The following SULT1E1 variants were observed in gnomAD, a reference collection of about 807,000 sequenced individuals.
The protein encoded by SULT1E1 is sulfotransferase 1E1.
A neutral mutation model predicts 33.6 loss-of-function variants in SULT1E1; 36 were observed. That is an observed-to-expected ratio of 1.07 (90% CI 0.82 to 1.41). The LOEUF (loss-of-function observed/expected upper bound fraction) is 1.41, where lower values mean the gene tolerates loss of function less well. Ranked by LOEUF, SULT1E1 falls within the 40% of genes most tolerant of loss-of-function variation. The pLI, the probability that SULT1E1 is intolerant of heterozygous loss-of-function variation, is 0.00. For missense variants in SULT1E1, 371 were observed against 345.7 expected, an observed-to-expected ratio of 1.07 and a Z score of -0.58; for synonymous variants, 121 against 111.7, an observed-to-expected ratio of 1.08 and a Z score of -0.53.
chr4:69,824,829 C>G, the SULT1E1 span, among the ~76,000 whole-genome samples: 125 of 152,220 alleles, frequency 8.2e-4, no homozygotes, highest in Admixed American at 1.5e-3. Context: ...TGGGCAGGGC[C>G]AAATAAGGGA....
At chr4:69,830,409 G>T in the SULT1E1 span, among the ~76,000 whole-genome samples, 3 of 152,364 alleles carry the variant, frequency 2.0e-5, no homozygotes, top group East Asian at 3.9e-4. Context: ...TGCTGATTTT[G>T]AGTAGCCTCA....
chr4:69,857,416 G>A, intron 2 of SULT1E1, 84 bp downstream of exon 2: 1 of 1,466,896 alleles, frequency 6.8e-7, no homozygotes, highest in Middle Eastern at 1.9e-4. Flanking sequence ...GAGAATGAGT[G>A]TGTACGACAT....
At chr4:69,844,140 G>C (rs1198680603) in intron 7 of SULT1E1, 21 bp downstream of exon 7, 1 of 1,613,002 alleles carries the variant, frequency 6.2e-7, no homozygotes, top group Non-Finnish European at 8.5e-7. Context: ...CTAGTATCGA[G>C]GCAAACCACA....
Position 69,856,935 on chromosome 4 carries a change from C to CAAAAA in SULT1E1, c.145+560_145+564dup, listed in dbSNP as rs11464421. ...TGGGAGACAGAGCGAGACTCCGTCT[C>CAAAAA]AAAAAAAAAAAAAAAAAAAAAAAAA... On this transcript the variant is annotated intron_variant, in intron 2 of 7. Coordinates refer to ENST00000226444, the MANE Select transcript of SULT1E1 (RefSeq NM_005420.3). Among the ~76,000 whole-genome samples the CAAAAA allele has an allele frequency of 3.7e-3, 218 of 59,216 alleles. 25 individuals are homozygous for CAAAAA. Among genetic ancestry groups the CAAAAA allele is most frequent in the Non-Finnish European group, 4.9e-3 (179 of 36,500 alleles). 38.8% of individuals were successfully genotyped at this position (59,216 alleles called of 152,430 possible).
the SULT1E1 span, among the ~76,000 whole-genome samples, chr4:69,831,247 C>A: frequency 6.6e-6 from 1 of 152,146 alleles, no homozygotes; most frequent in African/African-American, 2.4e-5. Flanking sequence ...ACTCGTTTAT[C>A]TTGCCTTTCC....
At chr4:69,857,441 T>C (rs1429230730) in intron 2 of SULT1E1, 59 bp downstream of exon 2, 31 of 1,542,926 alleles carry the variant, frequency 2.0e-5, no homozygotes, top group Non-Finnish European at 2.5e-5. Flanking sequence ...ACCTTAATAT[T>C]TACCATTTAC....
intron 4 of SULT1E1, 26 bp downstream of exon 4, chr4:69,854,189 AGT>A (rs1721183878): frequency 6.5e-7 from 1 of 1,536,290 alleles, no homozygotes; most frequent in East Asian, 2.3e-5. Flanking sequence ...AATTGGATGA[AGT>A]TTTGAGAACA....
At chr4:69,843,104 G>A (rs1720911530) in intron 7 of SULT1E1, among the ~76,000 whole-genome samples, 5 of 152,028 alleles carry the variant, frequency 3.3e-5, no homozygotes, top group African/African-American at 4.8e-5. Flanking sequence ...CCAAAGTGCT[G>A]GGATTACAGG....
intron 1 of SULT1E1, among the ~76,000 whole-genome samples, chr4:69,858,159 T>A (rs554029290): frequency 6.6e-6 from 1 of 152,128 alleles, no homozygotes; most frequent in Non-Finnish European, 1.5e-5. Context: ...ATAAACCAAA[T>A]GCTTGGTGAA....
chr4:69,850,351 T>G lies in SULT1E1; in HGVS notation c.370-788A>C, dbSNP rs554519856. Among the ~76,000 whole-genome samples the G allele has an allele frequency of 2.0e-5, 3 of 152,182 alleles. No homozygotes were observed. In the South Asian group the frequency reaches 6.2e-4, roughly 32 times the overall value. Reference sequence around the variant, plus strand: ...TCCAGTATCCTCATGGGCTTCTACTTAGGCCCTCAGGCACCTAAGCAATGT... The same window carrying G: ...TCCAGTATCCTCATGGGCTTCTACTGAGGCCCTCAGGCACCTAAGCAATGT... On this transcript the variant is annotated intron_variant, in intron 4 of 7. Transcript: ENST00000226444.
chr4:69,826,973 A>C, the SULT1E1 span, among the ~76,000 whole-genome samples: 1 of 152,098 alleles, frequency 6.6e-6, no homozygotes, highest in African/African-American at 2.4e-5. Context: ...GGAAACAAGC[A>C]AAGAAATCTC....
At chr4:69,840,215 A>C (rs1720858345), downstream of SULT1E1, among the ~76,000 whole-genome samples, 1 of 152,190 alleles carries the variant, frequency 6.6e-6, no homozygotes, top group East Asian at 1.9e-4. Flanking sequence ...AACATTAAAA[A>C]AAAGCTTTGA....
chr4:69,835,420 G>T, the SULT1E1 span, among the ~76,000 whole-genome samples: 1 of 152,148 alleles, frequency 6.6e-6, no homozygotes, highest in Non-Finnish European at 1.5e-5. Flanking sequence ...TAAATAGAGA[G>T]AATAACTTGA....
chr4:69,846,305 C>CAAAAAA (rs34408656), intron 6 of SULT1E1, among the ~76,000 whole-genome samples: 16 of 106,978 alleles, frequency 1.5e-4, no homozygotes, highest in South Asian at 5.9e-4. Flanking sequence ...ACAAAACAAT[C>CAAAAAA]AAAAAAAAAA....
the SULT1E1 span, among the ~76,000 whole-genome samples, chr4:69,826,191 G>T: frequency 5.6e-4 from 85 of 152,270 alleles, 1 homozygote; most frequent in African/African-American, 2.0e-3. Context: ...CCTTCCCTCA[G>T]GGTATGGCCC....
At chr4:69,854,480 C>T (rs1330575019) in intron 3 of SULT1E1, among the ~76,000 whole-genome samples, 166 bp from the exon 4 acceptor site, 2 of 151,960 alleles carry the variant, frequency 1.3e-5, no homozygotes, top group Non-Finnish European at 2.9e-5. Flanking sequence ...CCCCATTTTC[C>T]ATGGTGTAAT....
At chr4:69,831,719 C>T in the SULT1E1 span, among the ~76,000 whole-genome samples, 5 of 152,146 alleles carry the variant, frequency 3.3e-5, no homozygotes, top group South Asian at 2.1e-4. Flanking sequence ...TCTCCTATTA[C>T]GGGAGTTTTC....
downstream of SULT1E1, chr4:69,838,545 C>G (rs965016747): frequency 6.6e-6 from 1 of 152,172 alleles, no homozygotes; most frequent in Non-Finnish European, 1.5e-5. Context: ...TGACGCTGTA[C>G]TTTTACTGGA....
chr4:69,841,051 C>CAAAAAAAAAG (rs1553919514), downstream of SULT1E1, among the ~76,000 whole-genome samples: 3 of 148,056 alleles, frequency 2.0e-5, no homozygotes, highest in African/African-American at 7.5e-5. Flanking sequence ...GACTCCGTCT[C>CAAAAAAAAAG]AAAAAAAAAG....
Sources: allele counts gnomAD v4.1 joint callset (sites outside exome capture counted in the v4.1 genomes callset), GRCh38; gene constraint gnomAD v4.1.1; transcripts MANE v1.5; gene names NCBI Gene and HGNC (gene_info 2026-07-23, HGNC 2026-07-21).